Variants in PIAS4 observed in about 807,000 individuals in gnomAD.
PIAS4 encodes E3 SUMO-protein ligase PIAS4.
PIAS4 carries 7 observed loss-of-function variants against 58.0 expected under a neutral mutation model. That is an observed-to-expected ratio of 0.12 (90% CI 0.07 to 0.23). The LOEUF (loss-of-function observed/expected upper bound fraction) is 0.23. Among genes scored for constraint, PIAS4 ranks in the 10% least tolerant of loss-of-function variants. PIAS4 has a pLI of 1.00. For missense variants in PIAS4, 550 were observed against 709.5 expected (o/e 0.78, Z 2.55); for synonymous variants, 364 against 312.4 (o/e 1.17, Z -1.74).
At chr19:4,036,299 C>CAT (rs2040284633) in intron 9 of PIAS4, among the ~76,000 whole-genome samples, 1 of 121,106 alleles carries the variant, frequency 8.3e-6, no homozygotes, top group African/African-American at 2.6e-5. Context: ...CACACACACA[C>CAT]ATCTATACAG....
chr19:4,032,206 G>T (rs1008991471), intron 7 of PIAS4, among the ~76,000 whole-genome samples: 1 of 152,096 alleles, frequency 6.6e-6, no homozygotes, highest in African/African-American at 2.4e-5. Context: ...CAGCTGGGGG[G>T]AGTGGGGGGG....
chr19:4,026,582 C>T (rs2040166867), intron 3 of PIAS4, among the ~76,000 whole-genome samples: 2 of 140,248 alleles, frequency 1.4e-5, no homozygotes, highest in South Asian at 2.3e-4. Context: ...TCCCCAGCAG[C>T]TGCCACCCTT....
rs2040334204 is a variant in PIAS4, at chr19:4,039,088, GC to G, written c.*1215del. On this transcript the variant is annotated 3_prime_UTR_variant, in exon 11 of 11. Transcript: ENST00000262971. ...AGACCGGGGCGCAGGCGGGGCACCG[GC>G]CTCACCTGGTTCTCCAACACCGCTG... The G allele has an allele frequency of 6.6e-6, 1 of 152,314 alleles. No individual in the cohort carries two copies. The highest frequency in any genetic ancestry group is 1.5e-5 in the Non-Finnish European group (1 of 68,106). The allele number at this position is 152,314 out of a possible 1,614,324, so 9.4% of individuals were successfully genotyped here.
intron 9 of PIAS4, 44 bp downstream of exon 9, chr19:4,033,624 G>A (rs374125083): frequency 6.6e-6 from 10 of 1,520,934 alleles, no homozygotes; most frequent in Admixed American, 3.9e-5. Flanking sequence ...CCGGACATCC[G>A]TGGAGGTCTC....
At chr19:4,035,407 T>C (rs970840482) in intron 9 of PIAS4, among the ~76,000 whole-genome samples, 1 of 151,986 alleles carries the variant, frequency 6.6e-6, no homozygotes, top group African/African-American at 2.4e-5. Context: ...CTAAGACGGG[T>C]TGGGGAGCAG....
intron 3 of PIAS4, among the ~76,000 whole-genome samples, chr19:4,026,454 A>G (rs1599225838): frequency 6.6e-6 from 1 of 151,512 alleles, no homozygotes; most frequent in Non-Finnish European, 1.5e-5. Flanking sequence ...TCTTATGTCG[A>G]GATATGATTT....
intron 8 of PIAS4, 56 bp downstream of exon 8, chr19:4,033,229 CT>C (rs1338349966): frequency 2.7e-5 from 41 of 1,541,044 alleles, no homozygotes; most frequent in South Asian, 2.0e-4. Flanking sequence ...GCCTTCCCCC[CT>C]GGCGGCCCTG....
chr19:4,022,174 C>T (rs2040116204), intron 2 of PIAS4, among the ~76,000 whole-genome samples: 5 of 152,168 alleles, frequency 3.3e-5, no homozygotes, highest in Admixed American at 2.6e-4. Flanking sequence ...GAGGATTTGT[C>T]CATGTCACTA....
At position 4,011,760 on chromosome 19, in the gene PIAS4, G is replaced by T. The variant is rs1243783235; in HGVS notation, c.28-1163G>T. ...GGTGTGTGGGGTGTGGAGGTGTGTGGGGTGTGGAGGTGTGTGGGGTGTGGA... is the reference window on the plus strand; with the variant it reads ...GGTGTGTGGGGTGTGGAGGTGTGTGTGGTGTGGAGGTGTGTGGGGTGTGGA... On this transcript the variant is annotated intron_variant, in intron 1 of 10. Coordinates refer to ENST00000262971, the MANE Select transcript of PIAS4 (RefSeq NM_015897.4). Among the ~76,000 whole-genome samples the T allele has an allele frequency of 3.7e-4, 6 of 16,158 alleles. 1 individual carries two copies. The highest frequency in any genetic ancestry group is 1.2e-3 in the Admixed American group (3 of 2,422). 10.6% of individuals were successfully genotyped at this position (16,158 alleles called of 152,430 possible).
intron 9 of PIAS4, among the ~76,000 whole-genome samples, chr19:4,034,852 A>G (rs1008263061): frequency 6.6e-6 from 1 of 152,104 alleles, no homozygotes; most frequent in Non-Finnish European, 1.5e-5. Flanking sequence ...ACTTTGTTCC[A>G]TGAGCCCTAT....
intron 2 of PIAS4, among the ~76,000 whole-genome samples, chr19:4,021,953 T>C (rs939610924): frequency 6.6e-6 from 1 of 152,030 alleles, no homozygotes; most frequent in African/African-American, 2.4e-5. Flanking sequence ...CTCACTTTGT[T>C]GCCCAGGCTG....
chr19:4,022,629 A>G (rs36051175), intron 2 of PIAS4, among the ~76,000 whole-genome samples: 50,744 of 151,290 alleles, frequency 0.34, 8,988 homozygotes, highest in African/African-American at 0.43. Context: ...GCCTCCCAAA[A>G]TGCTGGGATT....
chr19:4,029,136 G>T (rs573853251), intron 7 of PIAS4, 100 bp downstream of exon 7: 1 of 816,244 alleles, frequency 1.2e-6, no homozygotes, highest in Non-Finnish European at 2.0e-6. Context: ...GGAGGAGATC[G>T]ATCAGGGGCC....
At chr19:4,036,094 C>T (rs148091003) in intron 9 of PIAS4, among the ~76,000 whole-genome samples, 10,568 of 37,372 alleles carry the variant, frequency 0.28, 1,013 homozygotes, top group East Asian at 0.5. Flanking sequence ...CAGTCCACAC[C>T]GTCATACAAA....
intron 3 of PIAS4, among the ~76,000 whole-genome samples, chr19:4,025,361 T>C (rs2040152391): frequency 6.6e-6 from 1 of 152,202 alleles, no homozygotes; most frequent in African/African-American, 2.4e-5. Context: ...CCTCAGTCTC[T>C]CCGAGGCTGT....
chr19:4,032,367 A>G (rs374268613), intron 7 of PIAS4, among the ~76,000 whole-genome samples: 3 of 152,186 alleles, frequency 2.0e-5, no homozygotes, highest in Admixed American at 6.5e-5. Flanking sequence ...CCCATGGCCC[A>G]GGGCTGGGGT....
chr19:4,013,292 C>T lies in PIAS4; in HGVS notation c.397C>T (p.Leu133=), dbSNP rs769519144. The T allele has an allele frequency of 6.2e-7, 1 of 1,613,224 alleles. No homozygotes were observed. Among genetic ancestry groups the T allele is most frequent in the Non-Finnish European group, 8.5e-7 (1 of 1,180,012 alleles). Residue 133 remains leucine, a synonymous_variant, in exon 2 of 11, where the codon CTG becomes TTG. Coordinates refer to ENST00000262971, the MANE Select transcript of PIAS4 (RefSeq NM_015897.4). This position sits in a 1 kb window ranked among gnomAD's most constrained non-coding sequence, Gnocchi z 5.1. ...PAKTLKPEVR[L]VKLPFFNMLD... ...CAAGACCCTCAAGCCAGAAGTCCGCCTGGTGAAGCTGCCGTTCTTTAATAT... is the reference window on the plus strand; with the variant it reads ...CAAGACCCTCAAGCCAGAAGTCCGCTTGGTGAAGCTGCCGTTCTTTAATAT...
chr19:4,028,423 G>A (rs1328689251), intron 4 of PIAS4, 87 bp from the exon 5 acceptor site: 23 of 1,024,376 alleles, frequency 2.2e-5, no homozygotes, highest in African/African-American at 4.8e-5. Flanking sequence ...CATCACTGCC[G>A]CCTGGCTACC....
intron 9 of PIAS4, among the ~76,000 whole-genome samples, chr19:4,036,735 C>CT (rs1892792972): frequency 6.6e-6 from 1 of 151,296 alleles, no homozygotes; most frequent in Non-Finnish European, 1.5e-5. Flanking sequence ...CAGTCCACAC[C>CT]ATCACATGCA....
Sources: gnomAD v4.1 joint callset for allele counts (sites outside exome capture counted in the v4.1 genomes callset) on GRCh38, gnomAD v4.1.1 for gene constraint, Gnocchi (gnomAD v3.1) non-coding constraint, MANE v1.5 for transcripts, NCBI Gene and HGNC (gene_info 2026-07-23, HGNC 2026-07-21) for gene names.